SHOC2: variants seen among roughly 807,000 people sequenced by gnomAD.
SHOC2 encodes SHOC2 leucine rich repeat scaffold protein.
A neutral mutation model predicts 50.2 loss-of-function variants in SHOC2; 4 were observed. The ratio of observed to expected loss-of-function variants is 0.08; its 90% CI spans 0.04 to 0.18. The LOEUF is 0.18. SHOC2 is among the 10% of genes least tolerant of loss of function. The pLI is 1.00. For synonymous variants in SHOC2, 218 were observed against 244.5 expected (o/e 0.89, Z 1.01); for missense variants, 388 against 669.6 (o/e 0.58, Z 4.64).
intron 4 of SHOC2, among the ~76,000 whole-genome samples, chr10:111,001,806 G>T (rs1288695391): frequency 7.6e-6 from 1 of 131,360 alleles, no homozygotes. Flanking sequence ...GGCCGAGGCA[G>T]GCGGGCGGAT....
intron 1 of SHOC2, among the ~76,000 whole-genome samples, chr10:110,924,709 A>G (rs1303793126): frequency 6.6e-6 from 1 of 152,230 alleles, no homozygotes; most frequent in South Asian, 2.1e-4. Context: ...TTAATTAAAT[A>G]CAAGGAGAAT....
At chr10:110,938,193 T>A (rs1847066516) in intron 1 of SHOC2, among the ~76,000 whole-genome samples, 1 of 152,170 alleles carries the variant, frequency 6.6e-6, no homozygotes, top group Non-Finnish European at 1.5e-5. Context: ...GGGCAAGCCT[T>A]CTTCTGTTCT....
chr10:110,930,565 A>G (rs957702568), intron 1 of SHOC2, among the ~76,000 whole-genome samples: 56 of 152,168 alleles, frequency 3.7e-4, no homozygotes, highest in African/African-American at 1.3e-3. Context: ...TGTAGCAGTT[A>G]TATTTTCTCT....
chr10:110,936,593 T>TTTTTTTTTTTTTTTTTTTTTTTTTTC, intron 1 of SHOC2: 1 of 646,750 alleles, frequency 1.5e-6, no homozygotes, highest in Non-Finnish European at 2.5e-6. Flanking sequence ...CTTTTCCTTT[T>TTTTTTTTTTTTTTTTTTTTTTTTTTC]TTTTTTTTTT....
chr10:110,934,980 TGAG>T (rs897981265), intron 1 of SHOC2, among the ~76,000 whole-genome samples: 19 of 152,362 alleles, frequency 1.2e-4, no homozygotes, highest in African/African-American at 4.3e-4. Flanking sequence ...GAAACTACTA[TGAG>T]TTTATTCATC....
chr10:111,009,703 A>C lies in SHOC2; in HGVS notation c.1423-10A>C. 6.7e-7 allele frequency: 1 copy of C among 1,500,440 alleles called. No individual in the cohort carries two copies. The highest frequency in any genetic ancestry group is 9.3e-7 in the Non-Finnish European group (1 of 1,076,950). 92.9% of individuals were successfully genotyped at this position (1,500,440 alleles called of 1,614,324 possible). On this transcript the variant is annotated splice_polypyrimidine_tract_variant and intron_variant, in intron 7 of 8. Coordinates refer to ENST00000369452, the MANE Select transcript of SHOC2 (RefSeq NM_007373.4). ...ATTTGTAACTCTCTTTTATTTTGTA[A>C]ATCTTTTAGAAATTAGTCTTGACAA...
intron 2 of SHOC2, among the ~76,000 whole-genome samples, chr10:110,974,270 GTTAA>G (rs996216715): frequency 1.3e-5 from 2 of 151,696 alleles, no homozygotes; most frequent in Non-Finnish European, 2.9e-5. Flanking sequence ...TTATTAAGAA[GTTAA>G]TTGTTCAGTT....
At chr10:110,941,824 T>G (rs11818060) in intron 1 of SHOC2, among the ~76,000 whole-genome samples, 10,354 of 152,216 alleles carry the variant, frequency 0.068, 506 homozygotes, top group African/African-American at 0.14. Context: ...TTTTTTTGCC[T>G]ACGAATTACT....
intron 1 of SHOC2, among the ~76,000 whole-genome samples, chr10:110,924,706 A>C (rs1846721711): frequency 6.6e-6 from 1 of 152,184 alleles, no homozygotes; most frequent in African/African-American, 2.4e-5. Flanking sequence ...ATTTTAATTA[A>C]ATACAAGGAG....
chr10:111,013,027 T>C lies in SHOC2; in HGVS notation c.*1209T>C, dbSNP rs1280230768. ...CAGTTCAGTATCATTACTTTTAATC[T>C]CATCTTTCCTTTCTTGGTAGTTGTT... On this transcript the variant is annotated 3_prime_UTR_variant, in exon 9 of 9. Coordinates refer to ENST00000369452, the MANE Select transcript of SHOC2 (RefSeq NM_007373.4). 1.3e-5 allele frequency: 2 copies of C among 152,652 alleles called. No homozygotes were observed. Among genetic ancestry groups the C allele is most frequent in the Non-Finnish European group, 2.9e-5 (2 of 68,032 alleles). The allele number at this position is 152,652 out of a possible 1,614,324, so 9.5% of individuals were successfully genotyped here.
At chr10:110,950,160 G>C (rs985209977) in intron 1 of SHOC2, among the ~76,000 whole-genome samples, 1 of 152,046 alleles carries the variant, frequency 6.6e-6, no homozygotes, top group Non-Finnish European at 1.5e-5. Flanking sequence ...TAAGGACTCC[G>C]CCAAAAATGT....
chr10:110,942,829 A>T (rs1316401128), intron 1 of SHOC2, among the ~76,000 whole-genome samples: 4 of 152,178 alleles, frequency 2.6e-5, no homozygotes, highest in African/African-American at 4.8e-5. Flanking sequence ...ATGGATATAG[A>T]ATTCTTGTTA....
intron 3 of SHOC2, among the ~76,000 whole-genome samples, chr10:110,994,656 C>T (rs545157791): frequency 8.5e-5 from 13 of 152,196 alleles, no homozygotes; most frequent in Admixed American, 3.9e-4. Context: ...AGAATGATCT[C>T]ATTTATATGA....
chr10:110,995,335 A>G (rs972481616), intron 3 of SHOC2, among the ~76,000 whole-genome samples: 2 of 152,242 alleles, frequency 1.3e-5, no homozygotes, highest in Non-Finnish European at 2.9e-5. Context: ...GTGTGCTGGT[A>G]TATCCAGTTT....
At chr10:110,943,154 T>C (rs1206277637) in intron 1 of SHOC2, among the ~76,000 whole-genome samples, 1 of 152,156 alleles carries the variant, frequency 6.6e-6, no homozygotes, top group Non-Finnish European at 1.5e-5. Context: ...TTTTCAACCA[T>C]TATTTCTTTT....
intron 1 of SHOC2, chr10:110,951,670 CAG>C: frequency 6.6e-6 from 1 of 152,254 alleles, no homozygotes; most frequent in East Asian, 1.9e-4. Context: ...AGAATACACA[CAG>C]AAAATGTGAC....
chr10:110,936,854 A>C (rs760019009), intron 1 of SHOC2: 31 of 1,354,608 alleles, frequency 2.3e-5, no homozygotes, highest in Non-Finnish European at 3.3e-5. Context: ...CTTCAGACGC[A>C]CAACCTTGAG....
chr10:111,005,889 T>A (rs936854693), intron 5 of SHOC2, among the ~76,000 whole-genome samples: 1 of 152,234 alleles, frequency 6.6e-6, no homozygotes. Context: ...GTACAATTTT[T>A]AAATTTCATC....
At chr10:110,919,795 G>A (rs1846575995) in intron 1 of SHOC2, 138 bp downstream of exon 1, 2 of 392,584 alleles carry the variant, frequency 5.1e-6, no homozygotes. Context: ...GGCAGCGCCG[G>A]GGCGAGGCCC....
Sources: allele counts gnomAD v4.1 joint callset (sites outside exome capture counted in the v4.1 genomes callset), GRCh38; gene constraint gnomAD v4.1.1; transcripts MANE v1.5; gene names NCBI Gene and HGNC (gene_info 2026-07-23, HGNC 2026-07-21).